SIPA1L3: variants seen among roughly 807,000 people sequenced by gnomAD.
The protein encoded by SIPA1L3 is signal-induced proliferation-associated 1-like protein 3.
A neutral mutation model predicts 150.1 loss-of-function variants in SIPA1L3; 59 were observed. That is an observed-to-expected ratio of 0.39 (90% CI 0.32 to 0.49). SIPA1L3 has a LOEUF of 0.49. SIPA1L3 is among the 20% of genes least tolerant of loss of function. The probability of loss-of-function intolerance (pLI) is 0.86; values close to 1 mark genes in which losing one functional copy is unlikely to be tolerated. For missense variants in SIPA1L3, 2,211 were observed against 2,489.5 expected (o/e 0.89, Z 2.38); for synonymous variants, 1,070 against 1,077.6 (o/e 0.99, Z 0.14).
At position 38,207,250 on chromosome 19, in the gene SIPA1L3, C is replaced by G. The variant is rs530354946; in HGVS notation, c.*1010C>G. 6.6e-6 allele frequency: 1 copy of G among 151,508 alleles called. No homozygotes were observed. Among genetic ancestry groups the G allele is most frequent in the Admixed American group, 6.6e-5 (1 of 15,216 alleles). The allele number at this position is 151,508 out of a possible 1,614,324, so 9.4% of individuals were successfully genotyped here. ...TTGCAAGTCTCCCAGCCCATCTCTC[C>G]GAGCAGCGGCCACCAGACCCCCTCA... On this transcript the variant is annotated 3_prime_UTR_variant, in exon 22 of 22. Coordinates refer to ENST00000222345, the MANE Select transcript of SIPA1L3 (RefSeq NM_015073.3).
At chr19:38,076,419 G>A (rs1405700327) in intron 2 of SIPA1L3, among the ~76,000 whole-genome samples, 1 of 152,046 alleles carries the variant, frequency 6.6e-6, no homozygotes, top group East Asian at 1.9e-4. Context: ...CTGCACTACC[G>A]TCATAGTTTC....
intron 4 of SIPA1L3, among the ~76,000 whole-genome samples, chr19:38,095,368 C>T (rs568763254): frequency 4.6e-5 from 7 of 152,320 alleles, no homozygotes; most frequent in African/African-American, 1.7e-4. Flanking sequence ...AATTCAAACC[C>T]AGGCAGACCA....
At chr19:38,160,035 G>A (rs978967633) in intron 13 of SIPA1L3, among the ~76,000 whole-genome samples, 9 of 151,826 alleles carry the variant, frequency 5.9e-5, no homozygotes, top group East Asian at 1.9e-4. Flanking sequence ...TTTTTGAGAC[G>A]GAGTATTGCT....
intron 1 of SIPA1L3, among the ~76,000 whole-genome samples, chr19:38,006,344 G>A (rs1967938199): frequency 6.6e-6 from 1 of 152,208 alleles, no homozygotes; most frequent in East Asian, 1.9e-4. Flanking sequence ...GGCCAATCAT[G>A]CTTGACCTTG....
intron 1 of SIPA1L3, among the ~76,000 whole-genome samples, chr19:37,985,880 C>T (rs1967338084): frequency 6.6e-6 from 1 of 152,222 alleles, no homozygotes; most frequent in Non-Finnish European, 1.5e-5. Flanking sequence ...GACCCTTCGC[C>T]CCTTGGGTGG....
chr19:38,039,696 A>C (rs1968869585), intron 2 of SIPA1L3, among the ~76,000 whole-genome samples: 1 of 61,032 alleles, frequency 1.6e-5, no homozygotes, highest in African/African-American at 1.6e-4. Flanking sequence ...TCTGTCTCAA[A>C]AAAAAAAAAA....
At chr19:38,199,318 C>A (rs1973034261) in intron 19 of SIPA1L3, among the ~76,000 whole-genome samples, 1 of 152,174 alleles carries the variant, frequency 6.6e-6, no homozygotes, top group African/African-American at 2.4e-5. Flanking sequence ...CCCTGGAGAC[C>A]CAGATGCCAT....
rs1972157113 is a variant in SIPA1L3 at position 38,164,320 on chromosome 19, G to A, written c.3781-159G>A. ...ATGTGGAAACTGAGGCTGAGGGAAG[G>A]TAAATCACTTGCCCAAGGTAACACG... On this transcript the variant is annotated intron_variant, in intron 14 of 21. Coordinates refer to ENST00000222345, the MANE Select transcript of SIPA1L3 (RefSeq NM_015073.3). This position sits in a 1 kb window ranked among gnomAD's most constrained non-coding sequence, Gnocchi z 4.1. 6.6e-6 allele frequency among the ~76,000 whole-genome samples: 1 copy of A among 152,154 alleles called. No homozygotes were observed. Among genetic ancestry groups the A allele is most frequent in the Non-Finnish European group, 1.5e-5 (1 of 68,024 alleles).
intron 1 of SIPA1L3, among the ~76,000 whole-genome samples, chr19:37,929,502 T>C (rs189587953): frequency 6.6e-6 from 1 of 152,362 alleles, no homozygotes; most frequent in East Asian, 1.9e-4. Flanking sequence ...ACAAGAACTC[T>C]GAATCTTGTT....
intron 2 of SIPA1L3, among the ~76,000 whole-genome samples, chr19:38,053,360 G>A (rs140781123): frequency 4.3e-4 from 66 of 152,336 alleles, no homozygotes; most frequent in African/African-American, 1.6e-3. Flanking sequence ...ATAATCCTGT[G>A]AGGTAGGTAT....
chr19:38,170,013 G>A (rs1396522299), intron 15 of SIPA1L3, among the ~76,000 whole-genome samples: 1 of 152,028 alleles, frequency 6.6e-6, no homozygotes, highest in African/African-American at 2.4e-5. Flanking sequence ...AGAGGGGCCA[G>A]GGTGGGCTGG....
chr19:38,141,524 A>G, intron 11 of SIPA1L3, 89 bp downstream of exon 11: 1 of 1,342,460 alleles, frequency 7.4e-7, no homozygotes, highest in Middle Eastern at 2.4e-4. Context: ...TATTTCCTCC[A>G]TCCTCTTCCT....
chr19:38,063,665 G>A (rs918799834), intron 2 of SIPA1L3, among the ~76,000 whole-genome samples: 6 of 152,168 alleles, frequency 3.9e-5, no homozygotes, highest in Admixed American at 1.3e-4. Context: ...GGAGGAGGGC[G>A]CGTACTAAGT....
At chr19:37,949,401 C>G (rs911121406) in intron 1 of SIPA1L3, among the ~76,000 whole-genome samples, 7 of 152,156 alleles carry the variant, frequency 4.6e-5, no homozygotes, top group Admixed American at 4.6e-4. Flanking sequence ...CACAGTGACT[C>G]ACACCTGTAA....
At chr19:38,156,788 C>T (rs527291104) in intron 13 of SIPA1L3, among the ~76,000 whole-genome samples, 40 of 152,098 alleles carry the variant, frequency 2.6e-4, no homozygotes, top group Non-Finnish European at 5.0e-4. Flanking sequence ...TCACGCATTG[C>T]ACTCCTGCCT....
intron 16 of SIPA1L3, 80 bp from the exon 17 acceptor site, chr19:38,192,065 G>A (rs978543851): frequency 1.4e-5 from 19 of 1,353,150 alleles, no homozygotes; most frequent in South Asian, 2.8e-5. Context: ...CGTGGTGGCC[G>A]GCCCTCTTGA....
At chr19:38,039,375 A>C (rs1968859594) in intron 2 of SIPA1L3, among the ~76,000 whole-genome samples, 1 of 129,706 alleles carries the variant, frequency 7.7e-6, no homozygotes, top group Non-Finnish European at 1.6e-5. Flanking sequence ...AGATGAAAAA[A>C]AGTTTGCCAG....
chr19:38,014,568 T>TA (rs1491543741), intron 1 of SIPA1L3, among the ~76,000 whole-genome samples: 2 of 102,830 alleles, frequency 1.9e-5, no homozygotes, highest in Non-Finnish European at 3.8e-5. Flanking sequence ...TTTTTTTTTT[T>TA]AAATAAGAGG....
rs578078929 is a variant in SIPA1L3 at position 38,050,902 on chromosome 19, T to A, written c.-311+21746T>A. Reference sequence around the variant, plus strand: ...GGCGAAACCCCATCTCTACAAAAAATACAAAAGTTAGCCCGGTGTGGTGGC... The same window carrying A: ...GGCGAAACCCCATCTCTACAAAAAAAACAAAAGTTAGCCCGGTGTGGTGGC... On this transcript the variant is annotated intron_variant, in intron 2 of 21. Coordinates refer to ENST00000222345, the MANE Select transcript of SIPA1L3 (RefSeq NM_015073.3). Among the ~76,000 whole-genome samples the A allele has an allele frequency of 2.0e-5, 3 of 152,014 alleles. No individual in the cohort carries two copies. The East Asian group carries it at 5.8e-4, about 29-fold the overall frequency.
Sources: allele counts gnomAD v4.1 joint callset (sites outside exome capture counted in the v4.1 genomes callset), GRCh38; gene constraint gnomAD v4.1.1; non-coding constraint Gnocchi (gnomAD v3.1); transcripts MANE v1.5; gene names NCBI Gene and HGNC (gene_info 2026-07-23, HGNC 2026-07-21).